Variants in SHOC1 observed in about 807,000 individuals in gnomAD.
SHOC1 encodes protein shortage in chiasmata 1 ortholog.
Under a neutral mutation model 179.2 loss-of-function variants are expected in SHOC1, and 136 were observed. That is an observed-to-expected ratio of 0.76 (90% CI 0.66 to 0.87). The LOEUF is 0.87. SHOC1 is among the 40% of genes least tolerant of loss of function. The probability of loss-of-function intolerance (pLI) is 0.00; values close to 1 mark genes in which losing one functional copy is unlikely to be tolerated. For missense variants in SHOC1, 1,538 were observed against 1,700.8 expected, an observed-to-expected ratio of 0.90 and a Z score of 1.68; for synonymous variants, 489 against 586.6, an observed-to-expected ratio of 0.83 and a Z score of 2.41.
At chr9:111,729,100 G>C (rs1462972938) in intron 12 of SHOC1, among the ~76,000 whole-genome samples, 1 of 146,246 alleles carries the variant, frequency 6.8e-6, no homozygotes, top group African/African-American at 2.5e-5. Flanking sequence ...TTTTTGCAAA[G>C]GTGGGGGGTT....
chr9:111,709,298 T>A (rs1300635169), intron 18 of SHOC1, among the ~76,000 whole-genome samples: 1 of 152,152 alleles, frequency 6.6e-6, no homozygotes, highest in Non-Finnish European at 1.5e-5. Context: ...GCCGAGATCG[T>A]GCCATTGCAC....
At chr9:111,782,216 T>G (rs1434267136) in intron 3 of SHOC1, among the ~76,000 whole-genome samples, 1 of 151,626 alleles carries the variant, frequency 6.6e-6, no homozygotes, top group Non-Finnish European at 1.5e-5. Flanking sequence ...CATATCAAAA[T>G]AAAAAAAGAA....
At chr9:111,756,014 C>T (rs1036935763) in intron 8 of SHOC1, among the ~76,000 whole-genome samples, 2 of 151,876 alleles carry the variant, frequency 1.3e-5, no homozygotes, top group African/African-American at 4.8e-5. Flanking sequence ...CCCAGCTACT[C>T]GGGAGGCTGA....
At chr9:111,691,443 G>GT (rs200400299) in intron 27 of SHOC1, 108 bp downstream of exon 27, 17,287 of 1,026,792 alleles carry the variant, frequency 0.017, 241 homozygotes, top group Non-Finnish European at 0.02. Context: ...TATTAGAGAA[G>GT]TTTTTTAAAT....
chr9:111,775,714 A>C, intron 5 of SHOC1, 77 bp downstream of exon 5: 2 of 1,322,108 alleles, frequency 1.5e-6, no homozygotes, highest in Non-Finnish European at 2.0e-6. Flanking sequence ...TATTCAACTC[A>C]AACAAAAAAC....
In SHOC1 at chr9:111,691,790, T is replaced by C; in HGVS notation, c.4187A>G (p.Asp1396Gly). The change falls in exon 27 of 28, where the codon GAT becomes GGT. Residue 1396 changes from aspartate to glycine, a missense_variant. Asp to Gly is a moderately conservative substitution (Grantham distance 94). Coordinates refer to ENST00000682961, the MANE Select transcript of SHOC1 (RefSeq NM_001378211.1). ...LYSQKGNLFT[D>G]QQKCLSDESE... ...CTCATCTGATAGACATTTTTGCTGA[T>C]CAGTGAATAAATTACCTTTCTGAGA... The C allele has an allele frequency of 1.2e-6, 2 of 1,613,964 alleles. No homozygotes were observed. Among genetic ancestry groups the C allele is most frequent in the Non-Finnish European group, 1.7e-6 (2 of 1,179,984 alleles).
intron 15 of SHOC1, among the ~76,000 whole-genome samples, chr9:111,719,711 T>C (rs1321222551): frequency 6.6e-6 from 1 of 152,178 alleles, no homozygotes; most frequent in Non-Finnish European, 1.5e-5. Context: ...AGTAGTAAAC[T>C]ATGGATTAAC....
At chr9:111,769,017 G>A (rs377258665) in intron 5 of SHOC1, among the ~76,000 whole-genome samples, 1 of 151,888 alleles carries the variant, frequency 6.6e-6, no homozygotes, top group African/African-American at 2.4e-5. Context: ...ATAATCATAC[G>A]GTTTTTATTC....
At position 111,738,446 on chromosome 9, in the gene SHOC1, G is replaced by T. The variant is rs771538422; in HGVS notation, c.1251C>A (p.Ser417Arg). 10 of 1,607,572 alleles carry T rather than the reference G, an allele frequency of 6.2e-6. 1 individual carries two copies. Among genetic ancestry groups the T allele is most frequent in the South Asian group, 1.1e-5 (1 of 89,794 alleles). ...LKKIFSVKEE[S>R]LVINLEKAEW... ...CTGCCTTTTCCAGATTAATCACAAG[G>T]CTTTCTTCTTTAACAGAAAATATCT... The change falls in exon 12 of 28, where the codon AGC becomes AGA. Residue 417 changes from serine to arginine, a missense_variant. Coordinates refer to ENST00000682961, the MANE Select transcript of SHOC1 (RefSeq NM_001378211.1).
intron 16 of SHOC1, among the ~76,000 whole-genome samples, chr9:111,715,329 T>C (rs1282476977): frequency 6.6e-6 from 1 of 152,148 alleles, no homozygotes. Flanking sequence ...AATAATAAAT[T>C]TGGGTAACAA....
chr9:111,708,205 A>T (rs915860919), intron 18 of SHOC1, among the ~76,000 whole-genome samples: 13 of 139,206 alleles, frequency 9.3e-5, no homozygotes, highest in Admixed American at 1.4e-4. Flanking sequence ...TTTATTTTTT[A>T]TTTTTTATTT....
intron 8 of SHOC1, among the ~76,000 whole-genome samples, chr9:111,749,526 C>T (rs1002905804): frequency 6.6e-6 from 1 of 151,144 alleles, no homozygotes; most frequent in African/African-American, 2.4e-5. Flanking sequence ...ATGTTATCAA[C>T]TTTTAAGTTC....
At chr9:111,706,307 A>C (rs954447385) in intron 20 of SHOC1, among the ~76,000 whole-genome samples, 2 of 152,150 alleles carry the variant, frequency 1.3e-5, no homozygotes, top group Non-Finnish European at 2.9e-5. Context: ...AAATGTAATA[A>C]AATTGTGCTA....
chr9:111,707,792 G>T, intron 19 of SHOC1, 63 bp downstream of exon 19: 4 of 1,062,462 alleles, frequency 3.8e-6, no homozygotes, highest in Non-Finnish European at 5.6e-6. Context: ...CTTCTAGGAA[G>T]ATTTTGCTTT....
chr9:111,773,469 C>T (rs823650), intron 5 of SHOC1, among the ~76,000 whole-genome samples: 122,353 of 151,918 alleles, frequency 0.81, 49,444 homozygotes, highest in East Asian at 0.92. Context: ...CCTGCCACTA[C>T]GCCCAGCTAA....
chr9:111,724,517 A>T (rs918641981), intron 13 of SHOC1, among the ~76,000 whole-genome samples: 2 of 151,630 alleles, frequency 1.3e-5, no homozygotes, highest in Non-Finnish European at 2.9e-5. Context: ...TTTATTTTTT[A>T]AATTTATTAT....
intron 16 of SHOC1, among the ~76,000 whole-genome samples, chr9:111,717,957 A>AT (rs1832870706): frequency 6.6e-6 from 1 of 152,178 alleles, no homozygotes; most frequent in Non-Finnish European, 1.5e-5. Flanking sequence ...TCCTAAACCT[A>AT]TTTTTCTAGG....
At position 111,706,845 on chromosome 9, in the gene SHOC1, C is replaced by G. The variant is rs1832300616; in HGVS notation, c.2559-99G>C. On this transcript the variant is annotated intron_variant, in intron 19 of 27. Coordinates refer to ENST00000682961, the MANE Select transcript of SHOC1 (RefSeq NM_001378211.1). ...TGTTTTCTGGCTGTTCCATCCTTCT[C>G]TAATCTATGCCTCATCTTAGAAAGG... is the stretch of plus-strand genomic sequence containing the variant. The G allele has an allele frequency of 6.7e-6, 5 of 747,332 alleles. No homozygotes were observed. The East Asian group carries it at 1.4e-4, about 22-fold the overall frequency. 46.3% of individuals were successfully genotyped at this position (747,332 alleles called of 1,614,324 possible). A position where few individuals can be genotyped will look rare whatever the true frequency, so the allele number is the denominator to read the frequency against.
At chr9:111,687,377 C>T (rs1831224988) in intron 27 of SHOC1, among the ~76,000 whole-genome samples, 1 of 152,178 alleles carries the variant, frequency 6.6e-6, no homozygotes, top group Non-Finnish European at 1.5e-5. Context: ...ACATAAATGC[C>T]TCTGTACCTA....
Sources: gnomAD v4.1 joint callset for allele counts (sites outside exome capture counted in the v4.1 genomes callset) on GRCh38, gnomAD v4.1.1 for gene constraint, MANE v1.5 for transcripts, NCBI Gene and HGNC (gene_info 2026-07-23, HGNC 2026-07-21) for gene names.